The following NAA30 variants were observed in gnomAD, a reference collection of about 807,000 sequenced individuals.
NAA30 encodes N-alpha-acetyltransferase 30, NatC catalytic subunit, also known as N-alpha-acetyltransferase 30.
Under a neutral mutation model 31.4 loss-of-function variants are expected in NAA30, and 5 were observed. That is an observed-to-expected ratio of 0.16 (90% CI 0.08 to 0.33). The LOEUF (loss-of-function observed/expected upper bound fraction) is 0.33, where lower values mean the gene tolerates loss of function less well. Ranked by LOEUF, NAA30 falls within the 10% of genes least tolerant of loss-of-function variation. The pLI is 1.00. For missense variants in NAA30, 428 were observed against 490.8 expected (o/e 0.87, Z 1.21); for synonymous variants, 222 against 207.1 (o/e 1.07, Z -0.62).
chr14:57,415,687 T>C lies in NAA30; in HGVS notation c.*6171T>C, dbSNP rs2066544079. ...ACTCAGAGGACTCAATGCCCTAACA[T>C]GTAGGGGATTGATCATTGCGATGTT... On this transcript the variant is annotated 3_prime_UTR_variant, in exon 5 of 5. Transcript: ENST00000556492. The C allele has an allele frequency of 6.6e-6, 1 of 152,126 alleles. No individual in the cohort carries two copies. Among genetic ancestry groups the C allele is most frequent in the Non-Finnish European group, 1.5e-5 (1 of 68,010 alleles). 9.4% of individuals were successfully genotyped at this position (152,126 alleles called of 1,614,324 possible). A position where few individuals can be genotyped will look rare whatever the true frequency, so the allele number is the denominator to read the frequency against.
chr14:57,400,143 TATC>T (rs2066468691), intron 4 of NAA30, among the ~76,000 whole-genome samples: 1 of 152,228 alleles, frequency 6.6e-6, no homozygotes, highest in Non-Finnish European at 1.5e-5. Flanking sequence ...TCAGAGGCTT[TATC>T]ATCAGTTATT....
Position 57,391,385 on chromosome 14 carries a change from C to T in NAA30, c.428C>T (p.Ser143Phe), listed in dbSNP as rs777942071. ...GGCGAGAGGCCCCCTCACTCCCTCT[C>T]TAGTAATGCAAGAACTGCGGTCCCC... Reference protein sequence around the residue: ...HSGERPPHSLSSNARTAVPSP... With the variant: ...HSGERPPHSLFSNARTAVPSP... Residue 143 changes from serine (S) to phenylalanine (F), a missense_variant, in exon 2 of 5, where the codon TCT becomes TTT. By Grantham distance (155) the Ser-to-Phe change is radical (BLOSUM62 -2). Coordinates refer to ENST00000556492, the MANE Select transcript of NAA30 (RefSeq NM_001011713.3). The surrounding 1 kb of genome is among the most constrained non-coding windows in gnomAD (Gnocchi z 4.1). The T allele has an allele frequency of 1.2e-6, 2 of 1,609,992 alleles. No individual in the cohort carries two copies. Among genetic ancestry groups the T allele is most frequent in the South Asian group, 2.2e-5 (2 of 90,850 alleles).
intron 2 of NAA30, among the ~76,000 whole-genome samples, chr14:57,393,167 A>G (rs2066437089): frequency 6.6e-6 from 1 of 152,190 alleles, no homozygotes; most frequent in African/African-American, 2.4e-5. Context: ...TTTTCTGTCA[A>G]TTCCAGGAAA....
In NAA30 at chr14:57,396,784, C is replaced by T. The variant is rs746510735; in HGVS notation, c.804C>T (p.Ile268=). ...TAGGGGAGGAGTGTGTAGGTGCCATCGTTTGCAAGTTGGATATGCACAAAA... is the reference window on the plus strand; with the variant it reads ...TAGGGGAGGAGTGTGTAGGTGCCATTGTTTGCAAGTTGGATATGCACAAAA... ...AMVGEECVGA[I]VCKLDMHKKM... is the part of the protein sequence containing the mutation. Residue 268 remains isoleucine (I), a synonymous_variant, in exon 3 of 5, where the codon ATC becomes ATT. Transcript: ENST00000556492. 30 of 1,613,766 alleles carry T rather than the reference C, an allele frequency of 1.9e-5. No individual in the cohort carries two copies. Among genetic ancestry groups the T allele is most frequent in the Non-Finnish European group, 2.2e-5 (26 of 1,179,872 alleles).
intron 3 of NAA30, among the ~76,000 whole-genome samples, chr14:57,398,809 T>C (rs1222146996): frequency 6.6e-6 from 1 of 152,066 alleles, no homozygotes; most frequent in Non-Finnish European, 1.5e-5. Context: ...GCTAATTTTT[T>C]ATTTTTTAGT....
intron 4 of NAA30, among the ~76,000 whole-genome samples, chr14:57,407,789 A>T (rs559744610): frequency 5.9e-5 from 9 of 152,302 alleles, no homozygotes; most frequent in African/African-American, 1.9e-4. Context: ...AACTCTAGAG[A>T]GAATGGGAGA....
chr14:57,399,726 T>C, intron 3 of NAA30, 102 bp from the exon 4 acceptor site: 1 of 745,210 alleles, frequency 1.3e-6, no homozygotes, highest in Non-Finnish European at 2.3e-6. Context: ...GGATTCAAGA[T>C]AGAAACTAGC....
In NAA30 at chr14:57,415,370, C is replaced by G. The variant is rs1415733895; in HGVS notation, c.*5854C>G. 6.6e-6 allele frequency: 1 copy of G among 152,176 alleles called. No individual in the cohort carries two copies. Among genetic ancestry groups the G allele is most frequent in the African/African-American group, 2.4e-5 (1 of 41,456 alleles). The allele number at this position is 152,176 out of a possible 1,614,324, so 9.4% of individuals were successfully genotyped here. A position where few individuals can be genotyped will look rare whatever the true frequency, so the allele number is the denominator to read the frequency against. On this transcript the variant is annotated 3_prime_UTR_variant, in exon 5 of 5. Coordinates refer to ENST00000556492, the MANE Select transcript of NAA30 (RefSeq NM_001011713.3). ...TTGTATGTCTCCTATGTTTTCCTTT[C>G]ATGCCAAAGAAACTCACCCTTTTTA...
chr14:57,403,960 T>C (rs932179579), intron 4 of NAA30, among the ~76,000 whole-genome samples: 1 of 152,208 alleles, frequency 6.6e-6, no homozygotes, highest in East Asian at 1.9e-4. Context: ...TTGATATCCT[T>C]AAAATCTTAA....
chr14:57,396,377 A>ATT lies in NAA30; in HGVS notation c.772-366_772-365dup, dbSNP rs375790361. On this transcript the variant is annotated intron_variant, in intron 2 of 4. Transcript: ENST00000556492. ...ATGAATAGACTTTTTCTTTATAATC[A>ATT]TTTTTTTTTTGCATATTTCCCCTTC... Among the ~76,000 whole-genome samples the ATT allele has an allele frequency of 5.1e-3, 746 of 147,094 alleles. 8 individuals carry two copies. The East Asian group carries it at 0.058, about 12-fold the overall frequency.
rs528520377 is a variant in NAA30, at chr14:57,409,620, C to T, written c.*104C>T. On this transcript the variant is annotated 3_prime_UTR_variant, in exon 5 of 5. Coordinates refer to ENST00000556492, the MANE Select transcript of NAA30 (RefSeq NM_001011713.3). ...GCAGGTGGATTTAGTAATTTCCATG[C>T]AGCTCTTACCTGTCAGTGTCTCATT... is the stretch of plus-strand genomic sequence containing the variant. 15 of 1,116,272 alleles carry T rather than the reference C, an allele frequency of 1.3e-5. No homozygotes were observed. In the African/African-American group the frequency reaches 1.6e-4, roughly 12 times the overall value. The allele number at this position is 1,116,272 out of a possible 1,614,324, so 69.1% of individuals were successfully genotyped here. A position where few individuals can be genotyped will look rare whatever the true frequency, so the allele number is the denominator to read the frequency against.
intron 3 of NAA30, among the ~76,000 whole-genome samples, chr14:57,399,264 A>G (rs1301370194): frequency 1.3e-5 from 2 of 152,238 alleles, no homozygotes; most frequent in Non-Finnish European, 2.9e-5. Context: ...AAACTAGGAT[A>G]CATTTTGCTA....
intron 4 of NAA30, among the ~76,000 whole-genome samples, chr14:57,400,261 A>G (rs151176778): frequency 1.3e-5 from 2 of 152,352 alleles, no homozygotes; most frequent in African/African-American, 4.8e-5. Context: ...TTCACACTTG[A>G]AAATAATCTT....
At position 57,390,613 on chromosome 14, in the gene NAA30, T is replaced by G; in HGVS notation, c.-94T>G. 1 of 316,830 alleles carries G rather than the reference T, an allele frequency of 3.2e-6. No homozygotes were observed. The highest frequency in any genetic ancestry group is 5.7e-6 in the Non-Finnish European group (1 of 174,140). 19.6% of individuals were successfully genotyped at this position (316,830 alleles called of 1,614,324 possible). ...GGCGACGGCGGCTGAGTGAGAACCT[T>G]GGCGGCTGTGGAGGCTGCCGCGGCT... On this transcript the variant is annotated 5_prime_UTR_variant, in exon 1 of 5. Coordinates refer to ENST00000556492, the MANE Select transcript of NAA30 (RefSeq NM_001011713.3).
At chr14:57,398,377 C>G (rs1469279312) in intron 3 of NAA30, among the ~76,000 whole-genome samples, 2 of 152,186 alleles carry the variant, frequency 1.3e-5, no homozygotes, top group East Asian at 3.9e-4. Context: ...GGGTTGCATC[C>G]TGGCCTTCAG....
In NAA30 at chr14:57,390,649, C is replaced by T. The variant is rs937461216; in HGVS notation, c.-58C>T. 2 of 364,420 alleles carry T rather than the reference C, an allele frequency of 5.5e-6. No individual in the cohort carries two copies. Among genetic ancestry groups the T allele is most frequent in the Non-Finnish European group, 9.8e-6 (2 of 204,698 alleles). 22.6% of individuals were successfully genotyped at this position (364,420 alleles called of 1,614,324 possible). On this transcript the variant is annotated 5_prime_UTR_variant, in exon 1 of 5. Transcript: ENST00000556492. ...GAGGCTGCCGCGGCTGCGAAGGAGGCGGCGGCGGTGGCGGAGGAAGAGGAG... is the reference window on the plus strand; with the variant it reads ...GAGGCTGCCGCGGCTGCGAAGGAGGTGGCGGCGGTGGCGGAGGAAGAGGAG...
At chr14:57,400,550 G>C (rs1023405731) in intron 4 of NAA30, among the ~76,000 whole-genome samples, 1 of 152,202 alleles carries the variant, frequency 6.6e-6, no homozygotes, top group African/African-American at 2.4e-5. Context: ...CATAGCAGTG[G>C]TGACTAAGGA....
intron 4 of NAA30, among the ~76,000 whole-genome samples, chr14:57,403,306 T>C (rs1409301614): frequency 3.3e-5 from 5 of 152,112 alleles, no homozygotes; most frequent in Non-Finnish European, 5.9e-5. Context: ...AATTTTTACT[T>C]TCTATTCTGT....
intron 3 of NAA30, among the ~76,000 whole-genome samples, chr14:57,398,048 T>G (rs2139760639): frequency 6.6e-6 from 1 of 152,354 alleles, no homozygotes; most frequent in East Asian, 1.9e-4. Context: ...AAAAAAAAGT[T>G]TAATACCTGT....
Sources: allele counts gnomAD v4.1 joint callset (sites outside exome capture counted in the v4.1 genomes callset), GRCh38; gene constraint gnomAD v4.1.1; non-coding constraint Gnocchi (gnomAD v3.1); transcripts MANE v1.5; gene names NCBI Gene and HGNC (gene_info 2026-07-23, HGNC 2026-07-21).